Variants in BMAL1 observed in about 807,000 individuals in gnomAD.
BMAL1 encodes basic helix-loop-helix ARNT-like protein 1.
chr11:13,369,416 C>T, the BMAL1 span, among the ~76,000 whole-genome samples: 1 of 152,332 alleles, frequency 6.6e-6, no homozygotes, highest in African/African-American at 2.4e-5. Context: ...GTAGCACACT[C>T]TGTGATTTAT....
At chr11:13,322,465 C>G in the BMAL1 span, among the ~76,000 whole-genome samples, 3 of 152,174 alleles carry the variant, frequency 2.0e-5, no homozygotes, top group Non-Finnish European at 4.4e-5. Flanking sequence ...TTTTTTCCCC[C>G]TTGCAGACAG....
chr11:13,366,611 A>G, the BMAL1 span: 2 of 1,465,182 alleles, frequency 1.4e-6, no homozygotes, highest in Non-Finnish European at 1.9e-6. Context: ...CTTGTTGCAT[A>G]ATTGATTTTC....
chr11:13,378,690 T>G, the BMAL1 span: 1 of 469,520 alleles, frequency 2.1e-6, no homozygotes, highest in Non-Finnish European at 3.7e-6. Flanking sequence ...ATGTTAGTAG[T>G]GCCTAGATTA....
chr11:13,312,345 TG>T, the BMAL1 span, among the ~76,000 whole-genome samples: 1 of 152,236 alleles, frequency 6.6e-6, no homozygotes, highest in Non-Finnish European at 1.5e-5. Flanking sequence ...TTATCTTGCC[TG>T]TGTCTGGAAT....
chr11:13,336,640 A>G, the BMAL1 span, among the ~76,000 whole-genome samples: 1 of 152,188 alleles, frequency 6.6e-6, no homozygotes, highest in Non-Finnish European at 1.5e-5. Context: ...GGAGAGAGCA[A>G]CCGTCACTAG....
chr11:13,386,722 C>T, the BMAL1 span: 2 of 1,614,150 alleles, frequency 1.2e-6, no homozygotes, highest in Non-Finnish European at 1.7e-6. Flanking sequence ...CTGGGTGGCC[C>T]TGTTGACTTT....
the BMAL1 span, among the ~76,000 whole-genome samples, chr11:13,277,385 C>A: frequency 6.6e-6 from 1 of 152,134 alleles, no homozygotes; most frequent in Non-Finnish European, 1.5e-5. Flanking sequence ...CCGCAGTGGC[C>A]GCGGCTAGTG....
At chr11:13,313,833 A>G in the BMAL1 span, among the ~76,000 whole-genome samples, 493 of 152,116 alleles carry the variant, frequency 3.2e-3, 3 homozygotes, top group African/African-American at 0.011. Context: ...AACCCCCTTC[A>G]GCGGGGCCTG....
the BMAL1 span, among the ~76,000 whole-genome samples, chr11:13,354,783 G>A: frequency 6.6e-6 from 1 of 152,184 alleles, no homozygotes; most frequent in Non-Finnish European, 1.5e-5. Context: ...TTAAGTCTAT[G>A]GGTGTCATCT....
At chr11:13,281,451 T>C in the BMAL1 span, among the ~76,000 whole-genome samples, 1 of 152,214 alleles carries the variant, frequency 6.6e-6, no homozygotes, top group Non-Finnish European at 1.5e-5. Flanking sequence ...TCCAAAACTT[T>C]GTCGTGAGTT....
the BMAL1 span, among the ~76,000 whole-genome samples, chr11:13,357,581 C>T: frequency 6.6e-6 from 1 of 152,206 alleles, no homozygotes; most frequent in Admixed American, 6.5e-5. The surrounding 1 kb of genome is among the most constrained non-coding windows in gnomAD (Gnocchi z 4.8). Context: ...CTGACCTCTT[C>T]CCATTGCGTC....
chr11:13,378,676 C>T, the BMAL1 span: 5 of 529,588 alleles, frequency 9.4e-6, no homozygotes, highest in African/African-American at 9.9e-5. Context: ...TTATCCAATC[C>T]AAAATGTTAG....
chr11:13,360,659 A>C, the BMAL1 span, among the ~76,000 whole-genome samples: 1 of 152,190 alleles, frequency 6.6e-6, no homozygotes, highest in Non-Finnish European at 1.5e-5. Context: ...TGCCACCGCA[A>C]TTTAAAATCA....
At chr11:13,377,959 A>T in the BMAL1 span, among the ~76,000 whole-genome samples, 1 of 152,160 alleles carries the variant, frequency 6.6e-6, no homozygotes, top group Non-Finnish European at 1.5e-5. Context: ...TGCCTGTCAA[A>T]CTTACAACAT....
At chr11:13,331,439 G>A in the BMAL1 span, among the ~76,000 whole-genome samples, 2 of 152,228 alleles carry the variant, frequency 1.3e-5, no homozygotes, top group African/African-American at 2.4e-5. Flanking sequence ...AGGAGGCAGT[G>A]AAGATAAGTA....
the BMAL1 span, among the ~76,000 whole-genome samples, chr11:13,284,224 ATATG>A: frequency 0.12 from 2,727 of 23,082 alleles, 305 homozygotes; most frequent in South Asian, 0.27. Context: ...ATATATATAT[ATATG>A]TGTGTGTATA....
the BMAL1 span, chr11:13,386,927 C>A: frequency 3.1e-6 from 2 of 635,232 alleles, no homozygotes; most frequent in Non-Finnish European, 4.9e-6. Context: ...TAACTTCAGA[C>A]AAAGTGGAAC....
At chr11:13,350,878 G>A in the BMAL1 span, among the ~76,000 whole-genome samples, 1 of 152,318 alleles carries the variant, frequency 6.6e-6, no homozygotes, top group East Asian at 1.9e-4. Flanking sequence ...TGGGAAAAGT[G>A]TTTACAACAT....
At chr11:13,381,101 A>AAC in the BMAL1 span, 1 of 1,561,124 alleles carries the variant, frequency 6.4e-7, no homozygotes, top group South Asian at 1.1e-5. Context: ...TTTACCCCTT[A>AAC]ACAAAGCACA....
Sources: allele counts gnomAD v4.1 joint callset (sites outside exome capture counted in the v4.1 genomes callset), GRCh38; gene constraint gnomAD v4.1.1; non-coding constraint Gnocchi (gnomAD v3.1); transcripts MANE v1.5; gene names NCBI Gene and HGNC (gene_info 2026-07-23, HGNC 2026-07-21).